The following PDE12 variants were observed in gnomAD, a reference collection of about 807,000 sequenced individuals.
PDE12 encodes the protein 2',5'-phosphodiesterase 12.
PDE12 carries 26 observed loss-of-function variants against 45.4 expected under a neutral mutation model. The observed-to-expected ratio is 0.57, with a 90% CI of 0.42 to 0.79. The LOEUF is 0.79. PDE12 is among the 30% of genes least tolerant of loss of function. The pLI is 0.00. For synonymous variants in PDE12, 283 were observed against 323.9 expected (o/e 0.87, Z 1.36); for missense variants, 668 against 790.0 (o/e 0.85, Z 1.85).
chr3:57,610,562 A>G, the PDE12 span, among the ~76,000 whole-genome samples: 1 of 152,176 alleles, frequency 6.6e-6, no homozygotes, highest in Non-Finnish European at 1.5e-5. Flanking sequence ...TCAATATGCA[A>G]AAATCACAAA....
At chr3:57,597,784 C>T in the PDE12 span, 59,311 of 152,314 alleles carry the variant, frequency 0.39, 12,929 homozygotes, top group South Asian at 0.56. Context: ...TATTACGGTA[C>T]GCGCGATGGG....
chr3:57,597,431 C>G, the PDE12 span: 1 of 272,268 alleles, frequency 3.7e-6, no homozygotes, highest in Non-Finnish European at 7.1e-6. Context: ...GGCCCGGCCC[C>G]TCCAACGCGG....
the PDE12 span, chr3:57,646,173 T>G: frequency 8.3e-7 from 1 of 1,201,788 alleles, no homozygotes; most frequent in African/African-American, 1.5e-5. Flanking sequence ...AAGCATTACC[T>G]TCTGATAGGG....
At chr3:57,612,786 AT>A in the PDE12 span, among the ~76,000 whole-genome samples, 4 of 151,262 alleles carry the variant, frequency 2.6e-5, no homozygotes, top group East Asian at 7.7e-4. Context: ...AAAAAAAAAA[AT>A]TCTATTAATT....
At chr3:57,577,895 A>G in the PDE12 span, among the ~76,000 whole-genome samples, 1 of 152,006 alleles carries the variant, frequency 6.6e-6, no homozygotes, top group African/African-American at 2.4e-5. Context: ...CTCTACAAAA[A>G]AATACAAAAA....
the PDE12 span, among the ~76,000 whole-genome samples, chr3:57,581,318 G>C: frequency 2.6e-5 from 4 of 152,074 alleles, no homozygotes; most frequent in East Asian, 3.8e-4. Flanking sequence ...GAACTCCCTA[G>C]GAAGCAGTAC....
the PDE12 span, among the ~76,000 whole-genome samples, chr3:57,595,264 A>T: frequency 6.6e-6 from 1 of 152,220 alleles, no homozygotes; most frequent in Non-Finnish European, 1.5e-5. Flanking sequence ...CATTTACAAT[A>T]AATCTTAAGT....
At chr3:57,656,407 TTTTG>T in the PDE12 span, among the ~76,000 whole-genome samples, 1 of 152,210 alleles carries the variant, frequency 6.6e-6, no homozygotes, top group Admixed American at 6.5e-5. Context: ...ATGTATTACA[TTTTG>T]TTTGTCCATT....
chr3:57,576,504 CTTTTTTTTTTTT>C, the PDE12 span, among the ~76,000 whole-genome samples: 82 of 101,602 alleles, frequency 8.1e-4, no homozygotes, highest in Non-Finnish European at 1.3e-3. Context: ...CTCAACCAAG[CTTTTTTTTTTTT>C]TTTTTTTTTT....
At chr3:57,571,102 T>C (rs9311654), downstream of PDE12, among the ~76,000 whole-genome samples, 127,337 of 152,016 alleles carry the variant, frequency 0.84, 53,985 homozygotes, top group African/African-American at 0.95. Context: ...CTCAACCTCC[T>C]AAAGTGCTAG....
At chr3:57,596,991 GA>G in the PDE12 span, 1 of 1,496,572 alleles carries the variant, frequency 6.7e-7, no homozygotes, top group Non-Finnish European at 9.2e-7. Flanking sequence ...GCGGGCGGAG[GA>G]AAAAAACAGG....
chr3:57,625,142 C>G, the PDE12 span, among the ~76,000 whole-genome samples: 1 of 152,154 alleles, frequency 6.6e-6, no homozygotes, highest in Admixed American at 6.6e-5. Flanking sequence ...TGAGCTTAAA[C>G]GATCCTCCTG....
downstream of PDE12, among the ~76,000 whole-genome samples, chr3:57,569,834 A>AG (rs2069819591): frequency 6.6e-6 from 1 of 150,778 alleles, no homozygotes; most frequent in Non-Finnish European, 1.5e-5. Flanking sequence ...CATCTCAAAA[A>AG]AAAAAAAAAA....
At chr3:57,587,586 AT>A in the PDE12 span, among the ~76,000 whole-genome samples, 16 of 151,958 alleles carry the variant, frequency 1.1e-4, no homozygotes, top group East Asian at 2.3e-3. Flanking sequence ...GTCCAAGCAG[AT>A]TTTTTTTAAT....
At chr3:57,618,397 A>G in the PDE12 span, among the ~76,000 whole-genome samples, 1 of 152,022 alleles carries the variant, frequency 6.6e-6, no homozygotes, top group African/African-American at 2.4e-5. Context: ...ATACAAATGC[A>G]TTTGTTTTAT....
chr3:57,604,374 T>C, the PDE12 span, among the ~76,000 whole-genome samples: 1 of 152,154 alleles, frequency 6.6e-6, no homozygotes, highest in Admixed American at 6.5e-5. Context: ...TTGATAGTGT[T>C]AACAAAATAA....
At chr3:57,597,359 G>T in the PDE12 span, 1 of 477,070 alleles carries the variant, frequency 2.1e-6, no homozygotes. Flanking sequence ...CGGCAGCTCC[G>T]GCTCTAGCCT....
chr3:57,609,392 G>A, the PDE12 span, among the ~76,000 whole-genome samples: 2 of 152,074 alleles, frequency 1.3e-5, no homozygotes, highest in African/African-American at 2.4e-5. Context: ...GATCAGAGCA[G>A]AACTGAAGGA....
At chr3:57,587,187 C>T in the PDE12 span, among the ~76,000 whole-genome samples, 1 of 151,958 alleles carries the variant, frequency 6.6e-6, no homozygotes, top group Non-Finnish European at 1.5e-5. Context: ...GATGTGGTGG[C>T]ATATGCCTAT....
Sources: gnomAD v4.1 joint callset for allele counts (sites outside exome capture counted in the v4.1 genomes callset) on GRCh38, gnomAD v4.1.1 for gene constraint, MANE v1.5 for transcripts, NCBI Gene and HGNC (gene_info 2026-07-23, HGNC 2026-07-21) for gene names.